The following CCSER1 variants were observed in gnomAD, a reference collection of about 807,000 sequenced individuals.
The protein encoded by CCSER1 is coiled-coil serine rich protein 1.
A neutral mutation model predicts 82.0 loss-of-function variants in CCSER1; 41 were observed. The ratio of observed to expected loss-of-function variants is 0.50; its 90% CI spans 0.39 to 0.65. CCSER1 has a LOEUF of 0.65. Among genes scored for constraint, CCSER1 ranks in the 30% least tolerant of loss-of-function variants. The pLI, the probability that CCSER1 is intolerant of heterozygous loss-of-function variation, is 0.00. For synonymous variants in CCSER1, 414 were observed against 383.9 expected (o/e 1.08, Z -0.92); for missense variants, 1,119 against 1,064.2 (o/e 1.05, Z -0.72).
intron 6 of CCSER1, among the ~76,000 whole-genome samples, chr4:90,658,669 T>A (rs921031998): frequency 6.6e-6 from 1 of 152,216 alleles, no homozygotes; most frequent in African/African-American, 2.4e-5. Context: ...GAGTAAACCA[T>A]ACTTATGCAT....
chr4:90,943,769 T>G, intron 9 of CCSER1, among the ~76,000 whole-genome samples: 2 of 123,568 alleles, frequency 1.6e-5, no homozygotes, highest in African/African-American at 3.4e-5. Flanking sequence ...GGAGATGGGG[T>G]CTCACTATGT....
At chr4:91,203,745 G>A (rs1006394946) in intron 10 of CCSER1, among the ~76,000 whole-genome samples, 3 of 151,790 alleles carry the variant, frequency 2.0e-5, no homozygotes, top group Admixed American at 6.6e-5. Flanking sequence ...TGATGAAAAT[G>A]TAGATATTTT....
chr4:90,770,989 A>G (rs1301244793), intron 7 of CCSER1, among the ~76,000 whole-genome samples: 1 of 152,310 alleles, frequency 6.6e-6, no homozygotes, highest in East Asian at 1.9e-4. Flanking sequence ...GAAAAAAATT[A>G]CTAGAGGTGA....
At chr4:90,373,489 A>G (rs1263275778) in intron 3 of CCSER1, among the ~76,000 whole-genome samples, 1 of 152,210 alleles carries the variant, frequency 6.6e-6, no homozygotes, top group East Asian at 1.9e-4. Flanking sequence ...ATGAAACTGG[A>G]AACAGTTGCA....
rs79039849 is a variant in CCSER1 at position 90,374,401 on chromosome 4, C to G, written c.1510-25635C>G. ...GCTGGACTTGTTGCAAATTCGCCTC[C>G]TTTTTTGGGAGGGGGGATTTCCTTG... On this transcript the variant is annotated intron_variant, in intron 3 of 10. Transcript: ENST00000509176. Among the ~76,000 whole-genome samples, 32 of 152,200 alleles carry G rather than the reference C, an allele frequency of 2.1e-4. No homozygotes were observed. In the East Asian group the frequency reaches 6.2e-3, roughly 29 times the overall value.
At chr4:90,896,525 T>G (rs540918047) in intron 8 of CCSER1, among the ~76,000 whole-genome samples, 1 of 151,982 alleles carries the variant, frequency 6.6e-6, no homozygotes, top group African/African-American at 2.4e-5. Flanking sequence ...GAAGGGAAAT[T>G]GGTATAATAG....
At chr4:90,475,345 T>G (rs1764921292) in intron 5 of CCSER1, among the ~76,000 whole-genome samples, 1 of 152,102 alleles carries the variant, frequency 6.6e-6, no homozygotes. Flanking sequence ...CGGCTAGTGT[T>G]TCATGATTTT....
chr4:91,538,698 C>CATATATTATATATATATATATATATAT, intron 10 of CCSER1, among the ~76,000 whole-genome samples: 21 of 138,320 alleles, frequency 1.5e-4, no homozygotes, highest in South Asian at 9.2e-4. Flanking sequence ...TATATATACA[C>CATATATTATATATATATATATATATAT]ATATATATAT....
intron 1 of CCSER1, among the ~76,000 whole-genome samples, chr4:90,272,827 A>T (rs1412987752): frequency 6.6e-6 from 1 of 152,128 alleles, no homozygotes; most frequent in East Asian, 1.9e-4. Flanking sequence ...ACATGGTGAA[A>T]CCTCGTCTCT....
intron 10 of CCSER1, among the ~76,000 whole-genome samples, chr4:91,447,096 C>T (rs1305145756): frequency 2.0e-5 from 3 of 151,950 alleles, no homozygotes; most frequent in Non-Finnish European, 4.4e-5. Flanking sequence ...TCCTAACTTC[C>T]ATTCATTTTC....
intron 9 of CCSER1, among the ~76,000 whole-genome samples, chr4:91,050,382 G>A (rs1158607468): frequency 1.3e-5 from 2 of 150,302 alleles, no homozygotes; most frequent in Admixed American, 1.3e-4. Context: ...AGTGAGCAGA[G>A]ATTGCGCCAC....
chr4:90,817,052 A>T (rs967191489), intron 8 of CCSER1, among the ~76,000 whole-genome samples: 1 of 152,132 alleles, frequency 6.6e-6, no homozygotes, highest in Non-Finnish European at 1.5e-5. Flanking sequence ...TACCAAAATA[A>T]CCTTTTATAA....
chr4:90,940,425 A>T (rs1481758482), intron 9 of CCSER1, among the ~76,000 whole-genome samples: 1 of 152,070 alleles, frequency 6.6e-6, no homozygotes, highest in African/African-American at 2.4e-5. Flanking sequence ...TTCAAGGGGA[A>T]ATATTTTCAG....
At chr4:91,102,608 A>G (rs914373585) in intron 10 of CCSER1, among the ~76,000 whole-genome samples, 4 of 152,180 alleles carry the variant, frequency 2.6e-5, no homozygotes, top group Admixed American at 1.3e-4. Context: ...AATCAGTTAA[A>G]CCTTGGAGAT....
intron 10 of CCSER1, among the ~76,000 whole-genome samples, chr4:91,362,890 T>C (rs1273645907): frequency 6.6e-6 from 1 of 151,774 alleles, no homozygotes; most frequent in Non-Finnish European, 1.5e-5. Flanking sequence ...CTATTTTGTC[T>C]CATGTTGTAT....
chr4:91,547,404 G>A (rs1345185051), intron 10 of CCSER1, among the ~76,000 whole-genome samples: 6 of 152,144 alleles, frequency 3.9e-5, no homozygotes, highest in African/African-American at 1.4e-4. Context: ...ACACGTTAAG[G>A]ATTGTTACAT....
chr4:90,619,516 C>G (rs1004692511), intron 5 of CCSER1, among the ~76,000 whole-genome samples: 1 of 151,912 alleles, frequency 6.6e-6, no homozygotes, highest in African/African-American at 2.4e-5. Context: ...TTGTAAGTTA[C>G]GAACAACTTC....
At chr4:91,269,210 T>C (rs1741841399) in intron 10 of CCSER1, among the ~76,000 whole-genome samples, 2 of 152,240 alleles carry the variant, frequency 1.3e-5, no homozygotes. Flanking sequence ...TTAAGAGAGC[T>C]AATACTTTAA....
intron 8 of CCSER1, among the ~76,000 whole-genome samples, chr4:90,885,673 A>G (rs1481873267): frequency 6.6e-6 from 1 of 152,172 alleles, no homozygotes; most frequent in Non-Finnish European, 1.5e-5. Context: ...AGGAGATGGC[A>G]TTTGTGAAAA....
Sources: allele counts gnomAD v4.1 joint callset (sites outside exome capture counted in the v4.1 genomes callset), GRCh38; gene constraint gnomAD v4.1.1; transcripts MANE v1.5; gene names NCBI Gene and HGNC (gene_info 2026-07-23, HGNC 2026-07-21).